DOK6: variants seen among roughly 807,000 people sequenced by gnomAD.
DOK6 encodes the protein downstream of tyrosine kinase 6.
A neutral mutation model predicts 44.0 loss-of-function variants in DOK6; 22 were observed. That is an observed-to-expected ratio of 0.50 (90% CI 0.36 to 0.71). DOK6 has a LOEUF of 0.71. DOK6 is among the 30% of genes least tolerant of loss of function. DOK6 has a pLI of 0.00. For synonymous variants in DOK6, 166 were observed against 145.5 expected, an observed-to-expected ratio of 1.14 and a Z score of -1.01; for missense variants, 340 against 416.4, an observed-to-expected ratio of 0.82 and a Z score of 1.60.
chr18:69,810,958 C>A (rs746641031), intron 7 of DOK6, among the ~76,000 whole-genome samples: 3 of 151,852 alleles, frequency 2.0e-5, no homozygotes, highest in Non-Finnish European at 4.4e-5. Flanking sequence ...GTTATTTAGC[C>A]AAAGGAAATG....
At chr18:69,718,140 C>A (rs1274983706) in intron 5 of DOK6, among the ~76,000 whole-genome samples, 1 of 152,138 alleles carries the variant, frequency 6.6e-6, no homozygotes, top group Non-Finnish European at 1.5e-5. Flanking sequence ...CACATTGAGT[C>A]TTAGAGACAA....
intron 1 of DOK6, among the ~76,000 whole-genome samples, chr18:69,420,296 T>C (rs1219591647): frequency 6.6e-6 from 1 of 152,106 alleles, no homozygotes; most frequent in Non-Finnish European, 1.5e-5. Flanking sequence ...TATTTGTCTT[T>C]AAAATTTAAT....
At chr18:69,797,585 T>C (rs72951570) in intron 7 of DOK6, among the ~76,000 whole-genome samples, 3,828 of 152,246 alleles carry the variant, frequency 0.025, 59 homozygotes, top group South Asian at 0.059. Context: ...GTCTTCTACT[T>C]ATTTTATTAA....
intron 1 of DOK6, among the ~76,000 whole-genome samples, chr18:69,501,247 ATACTGAGT>A (rs1408520151): frequency 6.6e-6 from 1 of 152,158 alleles, no homozygotes; most frequent in Admixed American, 6.5e-5. Context: ...ATCTCAAACA[ATACTGAGT>A]TCGTGCTAAC....
chr18:69,511,130 T>C (rs919631851), intron 1 of DOK6, among the ~76,000 whole-genome samples: 1 of 152,208 alleles, frequency 6.6e-6, no homozygotes, highest in African/African-American at 2.4e-5. Flanking sequence ...TAAAAATTTC[T>C]TTCCTCATAT....
intron 3 of DOK6, among the ~76,000 whole-genome samples, chr18:69,629,469 G>A (rs767904912): frequency 1.1e-4 from 17 of 152,214 alleles, no homozygotes; most frequent in Admixed American, 5.2e-4. Context: ...CTTTTGCTCC[G>A]ACATCTTCCT....
intron 1 of DOK6, among the ~76,000 whole-genome samples, chr18:69,430,691 G>A (rs949639010): frequency 5.3e-5 from 8 of 152,164 alleles, no homozygotes. Context: ...TACTGGCCGG[G>A]CACGGTGGCT....
intron 2 of DOK6, among the ~76,000 whole-genome samples, chr18:69,587,292 T>C (rs1599207704): frequency 6.6e-6 from 1 of 152,118 alleles, no homozygotes; most frequent in Non-Finnish European, 1.5e-5. Context: ...CTTGCTTGCA[T>C]TTTTCAGCAT....
At chr18:69,667,799 T>C (rs1157490663) in intron 3 of DOK6, among the ~76,000 whole-genome samples, 1 of 152,198 alleles carries the variant, frequency 6.6e-6, no homozygotes, top group East Asian at 1.9e-4. Flanking sequence ...CTTCTTTTTT[T>C]CTACCTACTC....
At chr18:69,476,080 G>T (rs922646127) in intron 1 of DOK6, among the ~76,000 whole-genome samples, 4 of 151,120 alleles carry the variant, frequency 2.6e-5, no homozygotes, top group Non-Finnish European at 5.9e-5. Flanking sequence ...GTCTGCTGTT[G>T]CCGTCTTTAT....
intron 1 of DOK6, among the ~76,000 whole-genome samples, chr18:69,507,231 G>T (rs1272345059): frequency 5.3e-5 from 8 of 151,986 alleles, no homozygotes; most frequent in Non-Finnish European, 7.4e-5. Context: ...GTTTCACCGT[G>T]TTAGCCAGAA....
chr18:69,443,799 T>G (rs1019686474), intron 1 of DOK6, among the ~76,000 whole-genome samples: 7 of 152,150 alleles, frequency 4.6e-5, no homozygotes, highest in Non-Finnish European at 1.0e-4. Flanking sequence ...CATAGTATTC[T>G]TGCTCCTGCG....
intron 7 of DOK6, among the ~76,000 whole-genome samples, chr18:69,797,774 C>T (rs1225192692): frequency 6.6e-6 from 1 of 152,042 alleles, no homozygotes; most frequent in Non-Finnish European, 1.5e-5. Flanking sequence ...ATCACTAAGC[C>T]TTATATTGTA....
intron 3 of DOK6, among the ~76,000 whole-genome samples, chr18:69,640,742 A>G (rs1255457813): frequency 6.6e-6 from 1 of 152,110 alleles, no homozygotes; most frequent in Non-Finnish European, 1.5e-5. Context: ...TTTTTCCAAG[A>G]CCATATAAGG....
chr18:69,546,102 A>C (rs1982396691), intron 1 of DOK6, among the ~76,000 whole-genome samples: 1 of 151,074 alleles, frequency 6.6e-6, no homozygotes, highest in Non-Finnish European at 1.5e-5. Flanking sequence ...ACATCGAGAA[A>C]ACCCATCTCT....
intron 1 of DOK6, among the ~76,000 whole-genome samples, chr18:69,401,797 G>T (rs1916105479): frequency 6.6e-6 from 1 of 152,106 alleles, no homozygotes; most frequent in South Asian, 2.1e-4. Flanking sequence ...CGTCCCTGCC[G>T]GCTGTAGTTT....
At chr18:69,630,292 A>G (rs1010676883) in intron 3 of DOK6, among the ~76,000 whole-genome samples, 1 of 152,158 alleles carries the variant, frequency 6.6e-6, no homozygotes, top group Non-Finnish European at 1.5e-5. Flanking sequence ...CCAACTGGAA[A>G]ATTGATTATG....
chr18:69,495,636 G>A (rs913014720), intron 1 of DOK6, among the ~76,000 whole-genome samples: 15 of 152,194 alleles, frequency 9.9e-5, no homozygotes, highest in African/African-American at 2.7e-4. Context: ...CAGCGGGACT[G>A]GTAGCCCTGC....
At chr18:69,659,507 C>T (rs934122109) in intron 3 of DOK6, among the ~76,000 whole-genome samples, 3 of 152,248 alleles carry the variant, frequency 2.0e-5, no homozygotes, top group Non-Finnish European at 4.4e-5. Flanking sequence ...CTGAACATTG[C>T]TCACGTTTGC....
Sources: allele counts gnomAD v4.1 joint callset (sites outside exome capture counted in the v4.1 genomes callset), GRCh38; gene constraint gnomAD v4.1.1; transcripts MANE v1.5; gene names NCBI Gene and HGNC (gene_info 2026-07-23, HGNC 2026-07-21).